SORCS3: variants seen among roughly 807,000 people sequenced by gnomAD.
The protein encoded by SORCS3 is sortilin related VPS10 domain containing receptor 3.
SORCS3 carries 57 observed loss-of-function variants against 146.3 expected under a neutral mutation model. The observed-to-expected ratio is 0.39, with a 90% CI of 0.31 to 0.49. The LOEUF (loss-of-function observed/expected upper bound fraction) is 0.49. Ranked by LOEUF, SORCS3 falls within the 20% of genes least tolerant of loss-of-function variation. The probability of loss-of-function intolerance (pLI) is 0.92; values close to 1 mark genes in which losing one functional copy is unlikely to be tolerated. For missense variants in SORCS3, 1,341 were observed against 1,575.5 expected (o/e 0.85, Z 2.52); for synonymous variants, 653 against 618.5 (o/e 1.06, Z -0.83).
chr10:104,983,235 A>G (rs982457274), intron 4 of SORCS3, among the ~76,000 whole-genome samples: 1 of 151,776 alleles, frequency 6.6e-6, no homozygotes, highest in East Asian at 2.0e-4. Flanking sequence ...TCTTGACCTC[A>G]GGTGATCTGC....
At chr10:105,260,953 A>G (rs1019221527) in intron 25 of SORCS3, among the ~76,000 whole-genome samples, 1 of 152,212 alleles carries the variant, frequency 6.6e-6, no homozygotes, top group Non-Finnish European at 1.5e-5. Context: ...TAATCTTTTT[A>G]TTGACAAATA....
chr10:104,851,109 C>G (rs1261719250), intron 2 of SORCS3, among the ~76,000 whole-genome samples: 1 of 152,102 alleles, frequency 6.6e-6, no homozygotes, highest in Admixed American at 6.5e-5. Context: ...TGAGTTTGCT[C>G]TAAATATTGG....
intron 1 of SORCS3, among the ~76,000 whole-genome samples, chr10:104,723,678 A>G (rs571916604): frequency 6.6e-5 from 10 of 152,140 alleles, no homozygotes; most frequent in South Asian, 4.1e-4. Context: ...TTGGGTGCAT[A>G]TATATTTAGG....
intron 1 of SORCS3, among the ~76,000 whole-genome samples, chr10:104,733,732 G>T (rs996996198): frequency 6.6e-6 from 1 of 152,010 alleles, no homozygotes; most frequent in African/African-American, 2.4e-5. Context: ...TCCAAGTTTG[G>T]TGCTTTGCTG....
chr10:104,785,099 C>G (rs1325041221), intron 1 of SORCS3, among the ~76,000 whole-genome samples: 1 of 152,304 alleles, frequency 6.6e-6, no homozygotes, highest in East Asian at 1.9e-4. Context: ...CACCTCCCTC[C>G]TGGACGGGGC....
chr10:104,777,108 C>T (rs998645965), intron 1 of SORCS3, among the ~76,000 whole-genome samples: 1 of 152,018 alleles, frequency 6.6e-6, no homozygotes, highest in Non-Finnish European at 1.5e-5. Flanking sequence ...TTCTGGGACC[C>T]CAGAATTAAG....
chr10:105,239,587 G>A (rs2056811486), intron 20 of SORCS3, among the ~76,000 whole-genome samples: 1 of 152,168 alleles, frequency 6.6e-6, no homozygotes, highest in African/African-American at 2.4e-5. Flanking sequence ...GGGGAGGGAT[G>A]TAGCTCACAG....
chr10:105,087,387 C>T (rs113921056), intron 5 of SORCS3, among the ~76,000 whole-genome samples: 44 of 151,926 alleles, frequency 2.9e-4, no homozygotes, highest in African/African-American at 9.9e-4. Flanking sequence ...GCATTCTGCA[C>T]CTGTATCTCA....
At chr10:105,207,287 A>ATTATTATTATTATTATTATTATTG (rs2056608186) in intron 16 of SORCS3, among the ~76,000 whole-genome samples, 2 of 150,000 alleles carry the variant, frequency 1.3e-5, no homozygotes, top group Admixed American at 1.3e-4. Flanking sequence ...TATTATTATT[A>ATTATTATTATTATTATTATTATTG]TTATTATTAT....
At chr10:104,733,952 A>G (rs1212387303) in intron 1 of SORCS3, among the ~76,000 whole-genome samples, 1 of 152,190 alleles carries the variant, frequency 6.6e-6, no homozygotes, top group Non-Finnish European at 1.5e-5. Context: ...TGGACAGATC[A>G]TAAGCTTTAT....
In SORCS3 at chr10:104,952,465, G is replaced by A. The variant is rs542407798; in HGVS notation, c.796-24870G>A. 7.9e-5 allele frequency among the ~76,000 whole-genome samples: 12 copies of A among 152,062 alleles called. No homozygotes were observed. In the East Asian group the frequency reaches 2.1e-3, roughly 27 times the overall value. ...AATTTGTATTTTAGTAAGATATTTGGTGATTCATGAGCATATTAAAGTTTG... is the reference window on the plus strand; with the variant it reads ...AATTTGTATTTTAGTAAGATATTTGATGATTCATGAGCATATTAAAGTTTG... On this transcript the variant is annotated intron_variant, in intron 3 of 26. Transcript: ENST00000369701.
At chr10:104,854,799 G>C (rs1238087496) in intron 2 of SORCS3, among the ~76,000 whole-genome samples, 1 of 152,090 alleles carries the variant, frequency 6.6e-6, no homozygotes, top group Non-Finnish European at 1.5e-5. Context: ...AAATGTTATA[G>C]GGTCATACAG....
intron 22 of SORCS3, among the ~76,000 whole-genome samples, chr10:105,252,023 A>C (rs1339889514): frequency 1.3e-5 from 2 of 152,326 alleles, no homozygotes; most frequent in African/African-American, 2.4e-5. Flanking sequence ...ATAGTCTATC[A>C]GGTGATTATA....
At chr10:105,181,193 C>G (rs1359090752) in intron 14 of SORCS3, among the ~76,000 whole-genome samples, 1 of 152,182 alleles carries the variant, frequency 6.6e-6, no homozygotes, top group Non-Finnish European at 1.5e-5. Context: ...ATGGAAGAAT[C>G]AAGTGACTTC....
chr10:104,930,858 A>G (rs2019199284), intron 3 of SORCS3, among the ~76,000 whole-genome samples: 1 of 152,226 alleles, frequency 6.6e-6, no homozygotes, highest in Non-Finnish European at 1.5e-5. Context: ...ACTAGTACCC[A>G]TCTCCTTAGC....
intron 3 of SORCS3, among the ~76,000 whole-genome samples, chr10:104,925,355 A>G (rs2133606694): frequency 6.6e-6 from 1 of 152,358 alleles, no homozygotes; most frequent in South Asian, 2.1e-4. Context: ...TTATGTTAGA[A>G]TGACCAGGTT....
At position 104,969,342 on chromosome 10, in the gene SORCS3, C is replaced by T. The variant is rs866595080; in HGVS notation, c.796-7993C>T. The stretch of plus-strand genomic sequence containing the variant: ...GTGTGTGTGTGTGTGTGTGTGTGTG[C>T]GCGCGCGCGTACAGAGCATGGAAGG... On this transcript the variant is annotated intron_variant, in intron 3 of 26. Transcript: ENST00000369701. Among the ~76,000 whole-genome samples the T allele has an allele frequency of 6.5e-4, 75 of 116,266 alleles. 1 individual carries two copies. In the East Asian group the frequency reaches 0.011, roughly 16 times the overall value. 76.3% of individuals were successfully genotyped at this position (116,266 alleles called of 152,430 possible).
chr10:104,696,619 T>TTA (rs1491332002), intron 1 of SORCS3, among the ~76,000 whole-genome samples: 2 of 66,428 alleles, frequency 3.0e-5, no homozygotes. Context: ...ATAATATATA[T>TTA]TATATACGTA....
At chr10:104,941,047 T>G (rs1021434518) in intron 3 of SORCS3, among the ~76,000 whole-genome samples, 15 of 152,206 alleles carry the variant, frequency 9.9e-5, no homozygotes, top group African/African-American at 3.6e-4. Flanking sequence ...ATTTGTAAAC[T>G]GCCATGGCAC....
Sources: allele counts gnomAD v4.1 joint callset (sites outside exome capture counted in the v4.1 genomes callset), GRCh38; gene constraint gnomAD v4.1.1; transcripts MANE v1.5; gene names NCBI Gene and HGNC (gene_info 2026-07-23, HGNC 2026-07-21).